DCDC1: variants seen among roughly 807,000 people sequenced by gnomAD.
DCDC1 encodes doublecortin domain containing 1.
A neutral mutation model predicts 178.3 loss-of-function variants in DCDC1; 200 were observed. The observed-to-expected ratio is 1.12, with a 90% confidence interval of 1.00 to 1.26. The LOEUF (loss-of-function observed/expected upper bound fraction) is 1.26, where lower values mean the gene tolerates loss of function less well. Ranked by LOEUF, DCDC1 falls within the 50% of genes most tolerant of loss-of-function variation. DCDC1 has a pLI of 0.00. For synonymous variants in DCDC1, 690 were observed against 604.8 expected (o/e 1.14, Z -2.07); for missense variants, 1,983 against 1,749.2 (o/e 1.13, Z -2.38).
At chr11:31,331,141 C>A (rs541120403) in intron 2 of DCDC1, among the ~76,000 whole-genome samples, 1 of 152,134 alleles carries the variant, frequency 6.6e-6, no homozygotes, top group Non-Finnish European at 1.5e-5. Flanking sequence ...ATTTTATTCT[C>A]TTTGTAGCAA....
At chr11:31,098,362 T>C (rs1399697032) in intron 15 of DCDC1, among the ~76,000 whole-genome samples, 3 of 152,168 alleles carry the variant, frequency 2.0e-5, no homozygotes, top group Admixed American at 6.5e-5. Context: ...AAATTGTCAA[T>C]GTGTAGTAGA....
intron 9 of DCDC1, among the ~76,000 whole-genome samples, chr11:31,179,821 CACAACA>C (rs369700222): frequency 2.0e-5 from 3 of 151,958 alleles, no homozygotes; most frequent in African/African-American, 7.2e-5. Context: ...CAGACAAAGA[CACAACA>C]ACAACAACAA....
chr11:31,021,414 C>G (rs561067223), intron 20 of DCDC1, among the ~76,000 whole-genome samples: 1 of 152,098 alleles, frequency 6.6e-6, no homozygotes, highest in South Asian at 2.1e-4. Flanking sequence ...AAACGGAGCA[C>G]ATTTTGTGTA....
intron 38 of DCDC1, among the ~76,000 whole-genome samples, chr11:30,872,616 C>G (rs1352862679): frequency 1.3e-5 from 2 of 152,194 alleles, no homozygotes; most frequent in East Asian, 3.9e-4. Flanking sequence ...ACGCTCTTTC[C>G]TGATTCTCAC....
intron 20 of DCDC1, among the ~76,000 whole-genome samples, chr11:31,032,273 A>G (rs1953701946): frequency 6.6e-6 from 1 of 152,208 alleles, no homozygotes; most frequent in Non-Finnish European, 1.5e-5. Context: ...GATATAGGTC[A>G]TAACAAGTGA....
chr11:31,048,774 G>A (rs1305712954), intron 20 of DCDC1, among the ~76,000 whole-genome samples: 1 of 152,058 alleles, frequency 6.6e-6, no homozygotes, highest in African/African-American at 2.4e-5. Context: ...GGAGAACGGC[G>A]TGAACCCGGG....
chr11:31,239,236 A>G (rs1421610821), intron 9 of DCDC1, among the ~76,000 whole-genome samples: 1 of 152,048 alleles, frequency 6.6e-6, no homozygotes, highest in African/African-American at 2.4e-5. Flanking sequence ...CTTATATAAA[A>G]CTAAATAGAA....
At chr11:31,237,005 C>T (rs1976544514) in intron 9 of DCDC1, among the ~76,000 whole-genome samples, 2 of 151,866 alleles carry the variant, frequency 1.3e-5, no homozygotes, top group African/African-American at 4.8e-5. Context: ...AAACTTCAAG[C>T]ACTTCTTTTT....
intron 20 of DCDC1, 47 bp downstream of exon 20, chr11:31,064,422 T>C (rs2135484731): frequency 1.5e-6 from 1 of 673,960 alleles, no homozygotes; most frequent in East Asian, 2.5e-5. Flanking sequence ...TGAAGGAAAA[T>C]ATCGAATGTC....
intron 9 of DCDC1, among the ~76,000 whole-genome samples, chr11:31,169,965 G>A (rs914468253): frequency 3.9e-5 from 6 of 152,206 alleles, no homozygotes; most frequent in African/African-American, 1.4e-4. Context: ...TGGGATGCAT[G>A]TGGCTGAGTT....
chr11:31,121,613 G>T (rs1185540983), intron 11 of DCDC1, among the ~76,000 whole-genome samples: 2 of 151,346 alleles, frequency 1.3e-5, no homozygotes, highest in South Asian at 4.2e-4. Context: ...CAGTGAAGAG[G>T]TTAAGAACAC....
At chr11:31,069,744 G>C (rs1194902918) in intron 18 of DCDC1, among the ~76,000 whole-genome samples, 1 of 152,078 alleles carries the variant, frequency 6.6e-6, no homozygotes, top group Non-Finnish European at 1.5e-5. Flanking sequence ...TCCTCTAATA[G>C]AAATAAAGAC....
At position 31,331,069 on chromosome 11, in the gene DCDC1, C is replaced by T. The variant is rs118049520; in HGVS notation, c.-6-2783G>A. ...TTCTGTCCTCTTTTATTTCTTTGAA[C>T]GGTGGTTTGTAGTTCACCTTTAAGA... On this transcript the variant is annotated intron_variant, in intron 2 of 38. Coordinates refer to ENST00000684477, the MANE Select transcript of DCDC1 (RefSeq NM_001387274.1). Among the ~76,000 whole-genome samples, 739 of 152,224 alleles carry T rather than the reference C, an allele frequency of 4.9e-3. 5 individuals are homozygous for T. The highest frequency in any genetic ancestry group is 0.014 in the South Asian group (70 of 4,828).
intron 20 of DCDC1, among the ~76,000 whole-genome samples, chr11:30,955,645 C>T (rs548149510): frequency 1.3e-5 from 2 of 152,096 alleles, no homozygotes; most frequent in South Asian, 2.1e-4. Context: ...TTTAAGTATC[C>T]GTATTCCAAT....
At chr11:31,330,503 T>G (rs1218883732) in intron 2 of DCDC1, among the ~76,000 whole-genome samples, 1 of 152,184 alleles carries the variant, frequency 6.6e-6, no homozygotes, top group Non-Finnish European at 1.5e-5. Flanking sequence ...ATTGCCTAAG[T>G]TTTCTTCTAG....
intron 1 of DCDC1, among the ~76,000 whole-genome samples, chr11:31,345,850 G>GA (rs951581290): frequency 1.3e-5 from 2 of 152,058 alleles, no homozygotes; most frequent in Non-Finnish European, 2.9e-5. Context: ...AAAAGAATTA[G>GA]AAAAATCACC....
At chr11:31,096,876 C>A (rs1191470667) in intron 15 of DCDC1, among the ~76,000 whole-genome samples, 1 of 152,096 alleles carries the variant, frequency 6.6e-6, no homozygotes, top group Non-Finnish European at 1.5e-5. Context: ...AAAAAGTGCT[C>A]TGACAATCCA....
intron 18 of DCDC1, among the ~76,000 whole-genome samples, chr11:31,066,831 C>T (rs1956279023): frequency 6.6e-6 from 1 of 152,042 alleles, no homozygotes; most frequent in South Asian, 2.1e-4. Flanking sequence ...ATGTGCACCA[C>T]CAAAAGTGAG....
chr11:31,213,100 C>CCCCT, intron 9 of DCDC1, among the ~76,000 whole-genome samples: 1 of 44,242 alleles, frequency 2.3e-5, no homozygotes, highest in Non-Finnish European at 4.4e-5. Flanking sequence ...TAAAGCCCAG[C>CCCCT]CTCTCTCTCT....
Sources: allele counts gnomAD v4.1 joint callset (sites outside exome capture counted in the v4.1 genomes callset), GRCh38; gene constraint gnomAD v4.1.1; transcripts MANE v1.5; gene names NCBI Gene and HGNC (gene_info 2026-07-23, HGNC 2026-07-21).